The following EMP2 variants were observed in gnomAD, a reference collection of about 807,000 sequenced individuals.
The protein encoded by EMP2 is epithelial membrane protein 2.
In EMP2, 19 loss-of-function variants were observed where a neutral mutation model predicts 13.7. The ratio of observed to expected loss-of-function variants is 1.38; its 90% CI spans 0.97 to 2.03. EMP2 has a LOEUF of 2.03. Among genes scored for constraint, EMP2 ranks in the 30% most tolerant of loss-of-function variants. EMP2 has a pLI of 0.00. For missense variants in EMP2, 253 were observed against 220.7 expected (o/e 1.15, Z -0.93); for synonymous variants, 97 against 84.7 (o/e 1.15, Z -0.80).
At chr16:10,564,844 A>C (rs987398986) in intron 1 of EMP2, among the ~76,000 whole-genome samples, 2 of 152,158 alleles carry the variant, frequency 1.3e-5, no homozygotes, top group Non-Finnish European at 2.9e-5. Context: ...TTATGTCGAC[A>C]TTTCCCCAAA....
At chr16:10,578,825 G>T (rs1162197356) in intron 1 of EMP2, among the ~76,000 whole-genome samples, 3 of 152,222 alleles carry the variant, frequency 2.0e-5, no homozygotes. Flanking sequence ...AACAGGTTCT[G>T]CACCTTCCTG....
chr16:10,564,806 G>C (rs940140188), intron 1 of EMP2, among the ~76,000 whole-genome samples: 1 of 152,144 alleles, frequency 6.6e-6, no homozygotes, highest in African/African-American at 2.4e-5. Context: ...ACAAGTAGGA[G>C]ACATTTCAGG....
intron 1 of EMP2, among the ~76,000 whole-genome samples, chr16:10,571,237 C>T (rs145439967): frequency 0.017 from 1,789 of 102,780 alleles, 47 homozygotes; most frequent in African/African-American, 0.062. Flanking sequence ...AGCCTGGTGA[C>T]AGAGCAAGAC....
intron 2 of EMP2, chr16:10,545,928 A>G (rs1045298550): frequency 1.2e-4 from 19 of 152,412 alleles, no homozygotes; most frequent in African/African-American, 4.3e-4. Context: ...CAGAACCCAA[A>G]TGCGATTATT....
intron 1 of EMP2, among the ~76,000 whole-genome samples, chr16:10,551,038 A>G (rs1318197832): frequency 6.6e-6 from 1 of 152,152 alleles, no homozygotes; most frequent in Non-Finnish European, 1.5e-5. Flanking sequence ...TATTAGTGTA[A>G]ATGAGACACA....
intron 1 of EMP2, among the ~76,000 whole-genome samples, chr16:10,552,313 A>G (rs1875931): frequency 0.4 from 61,223 of 151,882 alleles, 12,588 homozygotes; most frequent in East Asian, 0.45. Context: ...ATGGACATGT[A>G]ACTAAAACTT....
chr16:10,576,801 C>G (rs979992801), intron 1 of EMP2: 1 of 152,244 alleles, frequency 6.6e-6, no homozygotes, highest in African/African-American at 2.4e-5. Context: ...CCAACAGTGT[C>G]TCTGCACGGG....
At chr16:10,556,997 C>G (rs1354109491) in intron 1 of EMP2, among the ~76,000 whole-genome samples, 3 of 152,190 alleles carry the variant, frequency 2.0e-5, no homozygotes, top group Admixed American at 6.5e-5. Flanking sequence ...GGCAACCTCT[C>G]TCTGCACTGG....
At chr16:10,576,121 C>T (rs1056987454) in intron 1 of EMP2, among the ~76,000 whole-genome samples, 2 of 151,796 alleles carry the variant, frequency 1.3e-5, no homozygotes, top group African/African-American at 4.8e-5. Context: ...TTGTTTCAAC[C>T]CAAGCAGAAG....
At chr16:10,534,508 G>A (rs2050632383) in intron 4 of EMP2, among the ~76,000 whole-genome samples, 1 of 152,186 alleles carries the variant, frequency 6.6e-6, no homozygotes, top group African/African-American at 2.4e-5. Context: ...GATCATGCCT[G>A]TAATCCCACC....
At chr16:10,542,279 TC>T (rs375571007) in intron 3 of EMP2, among the ~76,000 whole-genome samples, 3 of 151,994 alleles carry the variant, frequency 2.0e-5, no homozygotes, top group African/African-American at 7.3e-5. Context: ...GTGCCTGTAG[TC>T]CCAGCTACTT....
intron 1 of EMP2, among the ~76,000 whole-genome samples, chr16:10,550,845 G>A (rs1436846096): frequency 6.6e-6 from 1 of 151,862 alleles, no homozygotes; most frequent in African/African-American, 2.4e-5. Context: ...CGTGGTGGTG[G>A]GCACCTGTAA....
At chr16:10,535,908 C>T (rs961244848) in intron 4 of EMP2, among the ~76,000 whole-genome samples, 2 of 152,316 alleles carry the variant, frequency 1.3e-5, no homozygotes, top group East Asian at 1.9e-4. Context: ...TGCTCTCCAA[C>T]GCTTGGCTCA....
At chr16:10,557,601 C>T (rs188334802) in intron 1 of EMP2, among the ~76,000 whole-genome samples, 194 of 152,254 alleles carry the variant, frequency 1.3e-3, no homozygotes, top group African/African-American at 4.2e-3. Flanking sequence ...AAATGAATCA[C>T]TTTTTCTGAG....
intron 3 of EMP2, among the ~76,000 whole-genome samples, chr16:10,538,484 T>C (rs996043191): frequency 6.6e-6 from 1 of 152,152 alleles, no homozygotes; most frequent in Non-Finnish European, 1.5e-5. Flanking sequence ...GGGATTCCCA[T>C]GGACTCAGGG....
chr16:10,539,422 G>T (rs573785152), intron 3 of EMP2, among the ~76,000 whole-genome samples: 5 of 152,150 alleles, frequency 3.3e-5, no homozygotes, highest in African/African-American at 1.2e-4. Context: ...TATGGGGAGC[G>T]AAAGGAGTCA....
intron 3 of EMP2, among the ~76,000 whole-genome samples, chr16:10,542,142 GCTC>G (rs971698637): frequency 6.6e-6 from 1 of 152,090 alleles, no homozygotes; most frequent in South Asian, 2.1e-4. Context: ...AGGCATGGTG[GCTC>G]CTCCTCCTCC....
At chr16:10,535,740 A>G (rs999607943) in intron 4 of EMP2, among the ~76,000 whole-genome samples, 31 of 151,954 alleles carry the variant, frequency 2.0e-4, no homozygotes, top group African/African-American at 7.3e-4. Flanking sequence ...ACAGGATTCA[A>G]TTGCCTTTAA....
intron 1 of EMP2, among the ~76,000 whole-genome samples, chr16:10,553,790 T>C (rs1157555490): frequency 6.6e-6 from 1 of 152,262 alleles, no homozygotes; most frequent in Non-Finnish European, 1.5e-5. Context: ...CTTCCGGACT[T>C]TCTGCGGCTC....
Sources: allele counts gnomAD v4.1 joint callset (sites outside exome capture counted in the v4.1 genomes callset), GRCh38; gene constraint gnomAD v4.1.1; transcripts MANE v1.5; gene names NCBI Gene and HGNC (gene_info 2026-07-23, HGNC 2026-07-21).